Variants in ELMOD1 observed in about 807,000 individuals in gnomAD.
ELMOD1 encodes ELMO domain-containing protein 1.
In ELMOD1, 21 loss-of-function variants were observed where a neutral mutation model predicts 46.7. The ratio of observed to expected loss-of-function variants is 0.45; its 90% confidence interval spans 0.32 to 0.65. ELMOD1 has a LOEUF of 0.65. Among genes scored for constraint, ELMOD1 ranks in the 30% least tolerant of loss-of-function variants. The pLI, the probability that ELMOD1 is intolerant of heterozygous loss-of-function variation, is 0.04. For synonymous variants in ELMOD1, 122 were observed against 138.2 expected (o/e 0.88, Z 0.82); for missense variants, 348 against 407.8 (o/e 0.85, Z 1.26).
At chr11:107,635,023 C>T (rs1199883210) in intron 5 of ELMOD1, among the ~76,000 whole-genome samples, 1 of 152,206 alleles carries the variant, frequency 6.6e-6, no homozygotes, top group East Asian at 1.9e-4. Context: ...ACCCTCTTAG[C>T]ACTGTCTCCC....
At chr11:107,603,793 G>A (rs1865643241) in intron 1 of ELMOD1, among the ~76,000 whole-genome samples, 1 of 151,498 alleles carries the variant, frequency 6.6e-6, no homozygotes, top group Non-Finnish European at 1.5e-5. Flanking sequence ...CAGGAGAATT[G>A]CTTGAACCTG....
intron 2 of ELMOD1, among the ~76,000 whole-genome samples, chr11:107,626,000 T>C (rs1866034702): frequency 6.6e-6 from 1 of 152,194 alleles, no homozygotes. Context: ...CTGCTGCCTA[T>C]GCATGTAGTT....
At chr11:107,650,462 T>A in intron 8 of ELMOD1, 59 bp downstream of exon 8, 1 of 1,156,598 alleles carries the variant, frequency 8.6e-7, no homozygotes, top group Non-Finnish European at 1.3e-6. Flanking sequence ...ATGAACTTCA[T>A]CTCCTACATG....
chr11:107,599,751 AG>A lies in ELMOD1; in HGVS notation c.-86+8343del, dbSNP rs1445050842. ...AGCGAGACCTGTCTCAAAAAAAAAA[AG>A]AAAAAAAGAAAAGAAAAAAAAAAAA... On this transcript the variant is annotated intron_variant, in intron 1 of 11. Transcript: ENST00000265840. 5.2e-3 allele frequency among the ~76,000 whole-genome samples: 735 copies of A among 141,262 alleles called. 7 individuals carry two copies. The highest frequency in any genetic ancestry group is 0.019 in the African/African-American group (685 of 35,216). 92.7% of individuals were successfully genotyped at this position (141,262 alleles called of 152,430 possible).
At chr11:107,596,717 A>G (rs1350139682) in intron 1 of ELMOD1, among the ~76,000 whole-genome samples, 2 of 152,154 alleles carry the variant, frequency 1.3e-5, no homozygotes, top group African/African-American at 2.4e-5. Flanking sequence ...TTTGACTTTC[A>G]TATTCTGTCT....
chr11:107,611,054 G>A (rs1367513128), intron 1 of ELMOD1, among the ~76,000 whole-genome samples: 1 of 148,282 alleles, frequency 6.7e-6, no homozygotes, highest in East Asian at 2.0e-4. Context: ...TATCAGCCTT[G>A]GGAAAGAATT....
At position 107,605,248 on chromosome 11, in the gene ELMOD1, G is replaced by A. The variant is rs1865666479; in HGVS notation, c.-85-12857G>A. On this transcript the variant is annotated intron_variant, in intron 1 of 11. Transcript: ENST00000265840. The stretch of plus-strand genomic sequence containing the variant: ...GGAGCTCCCTCCAGTGTCCCAGGCT[G>A]GAGTGCAGTGGCGCAATCTTGACCC... Among the ~76,000 whole-genome samples, 3 of 147,322 alleles carry A rather than the reference G, an allele frequency of 2.0e-5. No individual in the cohort carries two copies. The Admixed American group carries it at 2.1e-4, about 10-fold the overall frequency.
chr11:107,651,627 C>T (rs892591701), intron 9 of ELMOD1, among the ~76,000 whole-genome samples: 2 of 151,604 alleles, frequency 1.3e-5, no homozygotes, highest in African/African-American at 2.4e-5. Context: ...ACACTACAAT[C>T]ATTTAGCTCT....
At chr11:107,653,460 C>CT (rs1169468449) in intron 9 of ELMOD1, 1 of 152,138 alleles carries the variant, frequency 6.6e-6, no homozygotes, top group African/African-American at 2.4e-5. Flanking sequence ...GCTGCTGTGG[C>CT]TTACTGACTT....
intron 2 of ELMOD1, among the ~76,000 whole-genome samples, chr11:107,624,512 A>G (rs1866008419): frequency 6.6e-6 from 1 of 152,172 alleles, no homozygotes; most frequent in Non-Finnish European, 1.5e-5. Context: ...TTAGCTGAGC[A>G]TTGTGGCGCG....
chr11:107,616,937 C>G (rs531363326), intron 1 of ELMOD1, among the ~76,000 whole-genome samples: 4 of 152,138 alleles, frequency 2.6e-5, no homozygotes, highest in African/African-American at 7.2e-5. Flanking sequence ...GGGAACTAAC[C>G]AAATTAAATT....
chr11:107,655,484 G>T (rs997943518), intron 10 of ELMOD1, among the ~76,000 whole-genome samples: 3 of 151,318 alleles, frequency 2.0e-5, no homozygotes, highest in African/African-American at 7.3e-5. Context: ...CAAAAGTCAA[G>T]GTTTTGATAG....
At chr11:107,596,513 A>G (rs1005920442) in intron 1 of ELMOD1, among the ~76,000 whole-genome samples, 4 of 152,164 alleles carry the variant, frequency 2.6e-5, no homozygotes, top group Admixed American at 2.6e-4. Flanking sequence ...CTGACATGTT[A>G]ATTTCAGATT....
intron 1 of ELMOD1, among the ~76,000 whole-genome samples, chr11:107,614,364 A>G (rs1865826380): frequency 6.6e-6 from 1 of 152,076 alleles, no homozygotes; most frequent in Non-Finnish European, 1.5e-5. Context: ...TTGTTTTGAG[A>G]CGGAGTCTCT....
In ELMOD1 at chr11:107,665,081, A is replaced by G; in HGVS notation, c.889A>G (p.Met297Val). 6.2e-7 allele frequency: 1 copy of G among 1,613,984 alleles called. No homozygotes were observed. The highest frequency in any genetic ancestry group is 8.5e-7 in the Non-Finnish European group (1 of 1,179,872). ...GATCGAAGAGGACCCCATGGACATA[A>G]TGGAATTTAATCGTGTGAGGGAGAA... ...FWIEEDPMDIMEFNRVREKFR... is the reference protein window; with the variant it reads ...FWIEEDPMDIVEFNRVREKFR... Residue 297 changes from methionine to valine, a missense_variant, in exon 12 of 12, where the codon ATG becomes GTG. Met to Val is a conservative substitution (Grantham distance 21). Transcript: ENST00000265840.
intron 2 of ELMOD1, chr11:107,620,073 T>C (rs1005157460): frequency 6.6e-6 from 1 of 152,224 alleles, no homozygotes; most frequent in Non-Finnish European, 1.5e-5. Flanking sequence ...TGGCAATCTT[T>C]TCATTTGAAC....
intron 1 of ELMOD1, among the ~76,000 whole-genome samples, chr11:107,608,611 T>C (rs1471189576): frequency 1.3e-5 from 2 of 152,218 alleles, no homozygotes; most frequent in South Asian, 4.1e-4. Context: ...CAACAGTTTT[T>C]ATTGCCTTGG....
intron 1 of ELMOD1, among the ~76,000 whole-genome samples, chr11:107,612,251 T>G (rs1435735093): frequency 6.6e-6 from 1 of 152,082 alleles, no homozygotes; most frequent in East Asian, 1.9e-4. Context: ...CTAAGAAAAT[T>G]AACACGGAAA....
rs377547455 is a variant in ELMOD1, at chr11:107,635,678, G to T, written c.333G>T (p.Gly111=). Residue 111 remains glycine (G), a synonymous_variant, in exon 6 of 12, where the codon GGG becomes GGT. Coordinates refer to ENST00000265840, the MANE Select transcript of ELMOD1 (RefSeq NM_018712.4). The part of the protein sequence containing the change: ...SLQACLLQIV[G]YRNLIADVEK... Reference sequence around the variant, plus strand: ...AGGCTTGCCTTCTGCAAATCGTTGGGTACAGGAACCTTATTGCAGATGTGG... The same window carrying T: ...AGGCTTGCCTTCTGCAAATCGTTGGTTACAGGAACCTTATTGCAGATGTGG... 5.0e-6 allele frequency: 8 copies of T among 1,613,738 alleles called. No individual in the cohort carries two copies. In the African/African-American group the frequency reaches 1.1e-4, roughly 22 times the overall value.
Sources: gnomAD v4.1 joint callset for allele counts (sites outside exome capture counted in the v4.1 genomes callset) on GRCh38, gnomAD v4.1.1 for gene constraint, MANE v1.5 for transcripts, NCBI Gene and HGNC (gene_info 2026-07-23, HGNC 2026-07-21) for gene names.